FAT3: variants seen among roughly 807,000 people sequenced by gnomAD.
The protein encoded by FAT3 is FAT atypical cadherin 3.
A neutral mutation model predicts 310.2 loss-of-function variants in FAT3; 95 were observed. The observed-to-expected ratio is 0.31, with a 90% confidence interval of 0.26 to 0.36. FAT3 has a LOEUF of 0.36. Among genes scored for constraint, FAT3 ranks in the 10% least tolerant of loss-of-function variants. FAT3 has a pLI of 1.00. For missense variants in FAT3, 5,408 were observed against 5,715.6 expected, an observed-to-expected ratio of 0.95 and a Z score of 1.74; for synonymous variants, 2,314 against 2,192.9, an observed-to-expected ratio of 1.06 and a Z score of -1.54.
intron 22 of FAT3, among the ~76,000 whole-genome samples, chr11:92,867,598 G>C (rs1473881734): frequency 9.2e-5 from 14 of 152,194 alleles, no homozygotes; most frequent in Non-Finnish European, 1.5e-5. Context: ...TATGAGTTAT[G>C]ATGCCCATGC....
Position 92,421,406 on chromosome 11 carries a change from T to C in FAT3, c.3292+66002T>C, listed in dbSNP as rs142245963. On this transcript the variant is annotated intron_variant, in intron 2 of 27. Coordinates refer to ENST00000525166, the MANE Select transcript of FAT3 (RefSeq NM_001367949.2). ...TGTATTAGGAGGTTTTAATTTGTTG[T>C]TTAAATATCTATTGAGCCTCTTTCA... Among the ~76,000 whole-genome samples, 10 of 152,318 alleles carry C rather than the reference T, an allele frequency of 6.6e-5. No individual in the cohort carries two copies. In the East Asian group the frequency reaches 1.9e-3, roughly 29 times the overall value.
At chr11:92,890,376 C>G in intron 27 of FAT3, 115 bp from the exon 28 acceptor site, 2 of 1,279,520 alleles carry the variant, frequency 1.6e-6, no homozygotes, top group South Asian at 1.6e-5. Context: ...TAATAAGCTT[C>G]TTAGGGTTTC....
At chr11:92,448,904 G>T (rs1017959382) in intron 2 of FAT3, among the ~76,000 whole-genome samples, 2 of 152,154 alleles carry the variant, frequency 1.3e-5, no homozygotes, top group Non-Finnish European at 2.9e-5. Flanking sequence ...CACAGATGTT[G>T]TTATCCAGGA....
chr11:92,845,916 T>G (rs989964702), intron 19 of FAT3, among the ~76,000 whole-genome samples: 1 of 152,126 alleles, frequency 6.6e-6, no homozygotes, highest in Non-Finnish European at 1.5e-5. Flanking sequence ...CCCATCAGTG[T>G]GCCAGCTGCT....
intron 7 of FAT3, among the ~76,000 whole-genome samples, chr11:92,774,749 G>A (rs1464228733): frequency 2.6e-5 from 4 of 152,108 alleles, no homozygotes; most frequent in African/African-American, 7.2e-5. Context: ...GTGGGGAGAG[G>A]TTAAAAGCAC....
At chr11:92,627,176 A>G (rs1036459396) in intron 3 of FAT3, among the ~76,000 whole-genome samples, 1 of 152,168 alleles carries the variant, frequency 6.6e-6, no homozygotes. Flanking sequence ...GTTAATATTA[A>G]TGAATGTTCG....
intron 1 of FAT3, among the ~76,000 whole-genome samples, chr11:92,337,202 A>C (rs2134564380): frequency 6.6e-6 from 1 of 152,296 alleles, no homozygotes; most frequent in East Asian, 1.9e-4. Flanking sequence ...CAATTCAACA[A>C]ATATTTCTTT....
intron 1 of FAT3, among the ~76,000 whole-genome samples, chr11:92,320,264 C>T (rs1210600898): frequency 6.6e-6 from 1 of 152,146 alleles, no homozygotes; most frequent in Non-Finnish European, 1.5e-5. Flanking sequence ...TACTTTTAGG[C>T]AGAGTCAGTT....
chr11:92,344,075 T>C lies in FAT3; in HGVS notation c.-17-8021T>C, dbSNP rs557059396. ...CCAAATTACATAGCATGATTGTGCATGTAACAAGTATTTACTGAATTCTGA... is the reference window on the plus strand; with the variant it reads ...CCAAATTACATAGCATGATTGTGCACGTAACAAGTATTTACTGAATTCTGA... On this transcript the variant is annotated intron_variant, in intron 1 of 27. Transcript: ENST00000525166. Among the ~76,000 whole-genome samples, 56 of 152,314 alleles carry C rather than the reference T, an allele frequency of 3.7e-4. No homozygotes were observed. In the South Asian group the frequency reaches 0.011, roughly 30 times the overall value.
chr11:92,788,369 T>A (rs1292862063), intron 7 of FAT3, among the ~76,000 whole-genome samples: 1 of 152,116 alleles, frequency 6.6e-6, no homozygotes, highest in East Asian at 1.9e-4. Context: ...TTGGTCACTT[T>A]GGGAGGAGCT....
chr11:92,521,911 T>G (rs1953698446), intron 2 of FAT3, among the ~76,000 whole-genome samples: 1 of 152,130 alleles, frequency 6.6e-6, no homozygotes, highest in African/African-American at 2.4e-5. Context: ...AGATTAGCCC[T>G]TCTGGCTGTT....
intron 7 of FAT3, among the ~76,000 whole-genome samples, chr11:92,777,311 G>A (rs961413891): frequency 6.6e-6 from 1 of 152,172 alleles, no homozygotes; most frequent in Non-Finnish European, 1.5e-5. Flanking sequence ...CAGATCCTCA[G>A]TGATTCTGTA....
At chr11:92,828,171 G>A (rs1948147154) in intron 13 of FAT3, among the ~76,000 whole-genome samples, 2 of 151,736 alleles carry the variant, frequency 1.3e-5, no homozygotes, top group South Asian at 4.2e-4. Flanking sequence ...TTTGAAGGAT[G>A]GCATTTATCA....
chr11:92,800,136 A>G lies in FAT3; in HGVS notation c.7123A>G (p.Ser2375Gly), dbSNP rs754734934. The change falls in exon 10 of 28, where the codon AGC (serine) becomes GGC (glycine). Residue 2375 changes from serine (S) to glycine (G), a missense_variant. Physicochemically the swap from Ser to Gly is moderately conservative, Grantham distance 56. This residue lies in a region of FAT3 where 4,588 missense variants were observed against 4,809.8 expected (regional missense o/e 0.95). Transcript: ENST00000525166. ...RSIDSGFPSL[S>G]SEVLVHIYIS... The stretch of plus-strand genomic sequence containing the variant: ...AATAGATAGTGGCTTCCCATCACTG[A>G]GCAGTGAGGTTCTCGTTCATATCTA... 6.2e-7 allele frequency: 1 copy of G among 1,613,948 alleles called. No homozygotes were observed. Among genetic ancestry groups the G allele is most frequent in the Non-Finnish European group, 8.5e-7 (1 of 1,179,872 alleles).
At chr11:92,433,134 C>G (rs190370951) in intron 2 of FAT3, among the ~76,000 whole-genome samples, 64 of 152,268 alleles carry the variant, frequency 4.2e-4, no homozygotes, top group African/African-American at 1.4e-3. Flanking sequence ...GTGCTGACAG[C>G]GAGAATTTCA....
intron 2 of FAT3, among the ~76,000 whole-genome samples, chr11:92,478,899 A>T (rs1952122175): frequency 6.9e-6 from 1 of 145,010 alleles, no homozygotes; most frequent in Non-Finnish European, 1.5e-5. Context: ...TACAGGCATG[A>T]GCTACTGCGC....
At chr11:92,438,054 C>T (rs1950982638) in intron 2 of FAT3, among the ~76,000 whole-genome samples, 1 of 152,104 alleles carries the variant, frequency 6.6e-6, no homozygotes, top group Admixed American at 6.6e-5. Context: ...AATGTGCCTG[C>T]CTCTGCTGTA....
intron 7 of FAT3, among the ~76,000 whole-genome samples, chr11:92,776,043 T>C (rs1264840076): frequency 6.6e-6 from 1 of 152,200 alleles, no homozygotes; most frequent in East Asian, 1.9e-4. Context: ...AATGTGAATT[T>C]AAGTTTTAAA....
At chr11:92,648,652 A>T (rs1942253504) in intron 3 of FAT3, among the ~76,000 whole-genome samples, 1 of 152,132 alleles carries the variant, frequency 6.6e-6, no homozygotes, top group Admixed American at 6.5e-5. Context: ...ACAGCCCCAC[A>T]GCTGTTGACA....
Sources: gnomAD v4.1 joint callset for allele counts (sites outside exome capture counted in the v4.1 genomes callset) on GRCh38, gnomAD v4.1.1 for gene constraint, gnomAD v4.1.1 regional missense constraint, MANE v1.5 for transcripts, NCBI Gene and HGNC (gene_info 2026-07-23, HGNC 2026-07-21) for gene names.